Variants in OXR1 observed in about 807,000 individuals in gnomAD.
The protein encoded by OXR1 is oxidation resistance protein 1.
OXR1 carries 41 observed loss-of-function variants against 104.6 expected under a neutral mutation model. That is an observed-to-expected ratio of 0.39 (90% CI 0.31 to 0.51). OXR1 has a LOEUF of 0.51. OXR1 is among the 20% of genes least tolerant of loss of function. The pLI, the probability that OXR1 is intolerant of heterozygous loss-of-function variation, is 0.77. For missense variants in OXR1, 955 were observed against 1,031.9 expected (o/e 0.93, Z 1.02); for synonymous variants, 348 against 348.4 (o/e 1.00, Z 0.01).
chr8:106,691,060 G>A (rs1394873385), intron 6 of OXR1, among the ~76,000 whole-genome samples: 1 of 151,842 alleles, frequency 6.6e-6, no homozygotes, highest in Admixed American at 6.6e-5. Flanking sequence ...AAATCATATT[G>A]TATAATATAT....
intron 1 of OXR1, among the ~76,000 whole-genome samples, chr8:106,285,068 T>C (rs976994812): frequency 2.0e-4 from 31 of 152,134 alleles, no homozygotes; most frequent in Non-Finnish European, 2.9e-4. Flanking sequence ...GCTGCACCCA[T>C]TAACTCGTCA....
At position 106,359,116 on chromosome 8, in the gene OXR1, C is replaced by T. The variant is rs141569963; in HGVS notation, c.-138-360C>T. Among the ~76,000 whole-genome samples, 650 of 139,344 alleles carry T rather than the reference C, an allele frequency of 4.7e-3. 5 individuals are homozygous for T. Among genetic ancestry groups the T allele is most frequent in the Non-Finnish European group, 7.3e-3 (479 of 65,872 alleles). The allele number at this position is 139,344 out of a possible 152,430, so 91.4% of individuals were successfully genotyped here. A position where few individuals can be genotyped will look rare whatever the true frequency, so the allele number is the denominator to read the frequency against. On this transcript the variant is annotated intron_variant, in intron 1 of 16. Transcript: ENST00000517566. ...CTTTCTTTCTTTGCTATGGGCTAAT[C>T]AGGATCTTTGTTCTAATCTTTTTAT...
At chr8:106,349,018 A>G (rs187385568) in intron 1 of OXR1, among the ~76,000 whole-genome samples, 21 of 152,334 alleles carry the variant, frequency 1.4e-4, no homozygotes, top group African/African-American at 4.6e-4. Flanking sequence ...TTGAAGGCCA[A>G]TGCAATAATT....
At chr8:106,300,920 T>C (rs1398448881) in intron 1 of OXR1, among the ~76,000 whole-genome samples, 1 of 152,212 alleles carries the variant, frequency 6.6e-6, no homozygotes, top group Non-Finnish European at 1.5e-5. Flanking sequence ...ACAATGTTCT[T>C]CTTTTTCCCA....
chr8:106,378,812 T>A (rs572981837), intron 2 of OXR1, among the ~76,000 whole-genome samples: 1 of 152,286 alleles, frequency 6.6e-6, no homozygotes, highest in South Asian at 2.1e-4. Flanking sequence ...CCCGGCCTGA[T>A]GTCTGACTTT....
intron 1 of OXR1, among the ~76,000 whole-genome samples, chr8:106,323,948 A>G (rs543861484): frequency 6.6e-6 from 1 of 152,332 alleles, no homozygotes; most frequent in South Asian, 2.1e-4. Flanking sequence ...GGAAAGCAAT[A>G]TGGTGATTTC....
At chr8:106,649,600 A>G (rs1457193733) in intron 3 of OXR1, among the ~76,000 whole-genome samples, 1 of 151,820 alleles carries the variant, frequency 6.6e-6, no homozygotes, top group Non-Finnish European at 1.5e-5. Flanking sequence ...TTGAAACTTA[A>G]GACAAGATAA....
chr8:106,596,582 G>C (rs557193441), intron 3 of OXR1, among the ~76,000 whole-genome samples: 1 of 152,264 alleles, frequency 6.6e-6, no homozygotes, highest in Admixed American at 6.5e-5. Context: ...GGTTAAGAGG[G>C]ATCAAAAATA....
At chr8:106,567,993 A>G (rs983125612) in intron 3 of OXR1, among the ~76,000 whole-genome samples, 3 of 152,142 alleles carry the variant, frequency 2.0e-5, no homozygotes, top group African/African-American at 7.2e-5. Context: ...TGAGCCTGAA[A>G]AAGTTTCTTA....
At chr8:106,515,233 G>A (rs1026603474) in intron 2 of OXR1, among the ~76,000 whole-genome samples, 3 of 151,974 alleles carry the variant, frequency 2.0e-5, no homozygotes, top group Non-Finnish European at 4.4e-5. Flanking sequence ...GGTACAAAAT[G>A]ATGTTTTGAA....
chr8:106,443,914 G>T (rs1819898597), intron 2 of OXR1, among the ~76,000 whole-genome samples: 1 of 151,656 alleles, frequency 6.6e-6, no homozygotes, highest in South Asian at 2.1e-4. Flanking sequence ...GCAACCTACA[G>T]AATGGGAGAA....
intron 2 of OXR1, among the ~76,000 whole-genome samples, chr8:106,386,735 G>T (rs796837849): frequency 2.7e-4 from 41 of 152,174 alleles, no homozygotes; most frequent in African/African-American, 8.9e-4. Context: ...TCATTGAGAA[G>T]GGCAGGATGT....
intron 3 of OXR1, among the ~76,000 whole-genome samples, chr8:106,665,445 A>G (rs1826194081): frequency 6.6e-6 from 1 of 152,224 alleles, no homozygotes; most frequent in Admixed American, 6.5e-5. Context: ...AAGGACCTGT[A>G]ATATATGTAA....
In OXR1 at chr8:106,351,236, A is replaced by G. The variant is rs1220339655; in HGVS notation, c.-138-8240A>G. 2.6e-5 allele frequency among the ~76,000 whole-genome samples: 4 copies of G among 152,332 alleles called. No homozygotes were observed. In the East Asian group the frequency reaches 7.7e-4, roughly 29 times the overall value. ...CCTGTCCTAGGCACCGTGCTAGGCC[A>G]TAAGTTTGCAAAGTCATTAAAACTT... On this transcript the variant is annotated intron_variant, in intron 1 of 16. Coordinates refer to ENST00000517566, the MANE Select transcript of OXR1 (RefSeq NM_001198533.2).
chr8:106,398,279 C>G (rs1339278066), intron 2 of OXR1, among the ~76,000 whole-genome samples: 2 of 152,140 alleles, frequency 1.3e-5, no homozygotes, highest in South Asian at 2.1e-4. Flanking sequence ...ATCAGAGTCA[C>G]CTGGGGAACT....
chr8:106,717,138 A>T (rs530779236), intron 11 of OXR1, among the ~76,000 whole-genome samples: 1 of 152,136 alleles, frequency 6.6e-6, no homozygotes, highest in South Asian at 2.1e-4. Flanking sequence ...GTGAGCCAAG[A>T]TCACACCACT....
rs978877219 is a variant in OXR1 at position 106,511,849 on chromosome 8, A to G, written c.24-7094A>G. Among the ~76,000 whole-genome samples the G allele has an allele frequency of 6.9e-4, 105 of 152,228 alleles. 1 individual carries two copies. Among genetic ancestry groups the G allele is most frequent in the South Asian group, 2.3e-3 (11 of 4,824 alleles). On this transcript the variant is annotated intron_variant, in intron 2 of 16. Transcript: ENST00000517566. ...CTTTGGTTCAAAATGCCCTGGTTGT[A>G]TTTCAGCTTTTCTACTTTCTAGTTC...
At chr8:106,530,812 T>C (rs1317505038) in intron 3 of OXR1, among the ~76,000 whole-genome samples, 4 of 152,080 alleles carry the variant, frequency 2.6e-5, no homozygotes, top group African/African-American at 4.8e-5. Flanking sequence ...AGATAAAAAG[T>C]CTTTGTGTTA....
Position 106,706,989 on chromosome 8 carries a change from G to C in OXR1, c.1468G>C (p.Glu490Gln). 1 of 1,613,784 alleles carries C rather than the reference G, an allele frequency of 6.2e-7. No individual in the cohort carries two copies. The highest frequency in any genetic ancestry group is 8.5e-7 in the Non-Finnish European group (1 of 1,179,916). ...QSVNKGKQGK[E>Q]QNQDSQTEAE... ...TGTTAACAAAGGAAAACAAGGAAAG[G>C]AGCAAAATCAGGACTCACAGACAGA... Residue 490 changes from glutamate (E) to glutamine (Q), a missense_variant, in exon 9 of 17, where the codon GAG becomes CAG. Coordinates refer to ENST00000517566, the MANE Select transcript of OXR1 (RefSeq NM_001198533.2).
Sources: allele counts gnomAD v4.1 joint callset (sites outside exome capture counted in the v4.1 genomes callset), GRCh38; gene constraint gnomAD v4.1.1; transcripts MANE v1.5; gene names NCBI Gene and HGNC (gene_info 2026-07-23, HGNC 2026-07-21).